Variants in COA1 observed in about 807,000 individuals in gnomAD.
COA1 encodes cytochrome c oxidase assembly factor 1 homolog.
A neutral mutation model predicts 16.0 loss-of-function variants in COA1; 13 were observed. That is an observed-to-expected ratio of 0.81 (90% confidence interval 0.53 to 1.29). COA1 has a LOEUF of 1.29. Among genes scored for constraint, COA1 ranks in the 50% most tolerant of loss-of-function variants. COA1 has a pLI of 0.00. For synonymous variants in COA1, 65 were observed against 65.7 expected, an observed-to-expected ratio of 0.99 and a Z score of 0.05; for missense variants, 179 against 177.0, an observed-to-expected ratio of 1.01 and a Z score of -0.06.
At chr7:43,713,333 G>A (rs1459733351) in intron 1 of COA1, among the ~76,000 whole-genome samples, 5 of 151,940 alleles carry the variant, frequency 3.3e-5, no homozygotes, top group African/African-American at 1.2e-4. Flanking sequence ...ACTTCCTTCT[G>A]GTAAGAACAC....
intron 1 of COA1, among the ~76,000 whole-genome samples, chr7:43,677,058 G>A (rs1482466543): frequency 1.3e-5 from 2 of 152,138 alleles, no homozygotes; most frequent in African/African-American, 4.8e-5. Context: ...ATGCCTAACA[G>A]ATCAAAATGC....
At chr7:43,656,835 G>T (rs1001883108) in intron 1 of COA1, among the ~76,000 whole-genome samples, 1 of 151,852 alleles carries the variant, frequency 6.6e-6, no homozygotes, top group Non-Finnish European at 1.5e-5. Flanking sequence ...GAAAAGAAAA[G>T]AAAAGAAAAG....
chr7:43,634,932 G>A (rs1269692629), downstream of COA1, among the ~76,000 whole-genome samples: 2 of 152,140 alleles, frequency 1.3e-5, no homozygotes, highest in African/African-American at 4.8e-5. Flanking sequence ...TATTCCTTGG[G>A]TACTGAAGTT....
intron 4 of COA1, among the ~76,000 whole-genome samples, chr7:43,644,728 A>AGATT: frequency 3.8e-5 from 1 of 26,174 alleles, no homozygotes; most frequent in African/African-American, 9.6e-5. Context: ...ATAGATAGAT[A>AGATT]GATAGATAGA....
Position 43,647,549 on chromosome 7 carries a change from T to C in COA1, c.101A>G (p.Tyr34Cys), listed in dbSNP as rs759801587. 1.1e-5 allele frequency: 18 copies of C among 1,613,570 alleles called. No individual in the cohort carries two copies. Among genetic ancestry groups the C allele is most frequent in the Non-Finnish European group, 1.5e-5 (18 of 1,179,470 alleles). The part of the protein sequence containing the change: ...VFYAGGFAIV[Y>C]YLIQKFHSRA... ...AGGATACTTACTTTGAATGAGGTAA[T>C]ACACAATGGCAAAGCCCCCGGCATA... The change falls in exon 3 of 6, where the codon TAT becomes TGT. Residue 34 changes from tyrosine (Y) to cysteine (C), a missense_variant. Transcript: ENST00000223336.
rs182632725 is a variant in COA1 at position 43,617,958 on chromosome 7, T to C, written c.*134-8463A>G. Among the ~76,000 whole-genome samples, 4 of 152,248 alleles carry C rather than the reference T, an allele frequency of 2.6e-5. No individual in the cohort carries two copies. The East Asian group carries it at 7.7e-4, about 29-fold the overall frequency. ...TAACATATAAACAAGGAAGGAGTGG[T>C]TAACTTTGTCAAACACTGCTAAGGG... On this transcript the variant is annotated intron_variant and NMD_transcript_variant, in intron 6 of 6. Coordinates refer to the COA1 transcript ENST00000415076.
chr7:43,642,025 A>C (rs999606393), intron 4 of COA1: 1 of 152,198 alleles, frequency 6.6e-6, no homozygotes, highest in Non-Finnish European at 1.5e-5. Flanking sequence ...CACCCATTCC[A>C]AGTTGCCACC....
chr7:43,689,044 G>A (rs10266210), intron 1 of COA1, among the ~76,000 whole-genome samples: 22,180 of 152,112 alleles, frequency 0.15, 2,191 homozygotes, highest in Non-Finnish European at 0.21. Flanking sequence ...CTAACCCCAC[G>A]TATTTAAATC....
At chr7:43,615,275 A>C (rs1472497271) in intron 6 of COA1, among the ~76,000 whole-genome samples, 1 of 152,172 alleles carries the variant, frequency 6.6e-6, no homozygotes, top group Non-Finnish European at 1.5e-5. Flanking sequence ...TCCCAGGCTC[A>C]AGTGATCCTC....
chr7:43,710,375 A>AATATATATATATATAT (rs1554558920), intron 1 of COA1, among the ~76,000 whole-genome samples: 26 of 36,446 alleles, frequency 7.1e-4, no homozygotes, highest in African/African-American at 1.3e-3. Context: ...AAAAAAAAAA[A>AATATATATATATATAT]ATATATATAT....
intron 4 of COA1, among the ~76,000 whole-genome samples, chr7:43,643,168 A>G (rs1249150001): frequency 6.6e-6 from 1 of 152,172 alleles, no homozygotes; most frequent in African/African-American, 2.4e-5. Flanking sequence ...CCCTCTCAGC[A>G]CCACTGGGGC....
At chr7:43,633,676 C>T (rs536876365) in intron 6 of COA1, among the ~76,000 whole-genome samples, 26 of 152,140 alleles carry the variant, frequency 1.7e-4, no homozygotes, top group South Asian at 6.2e-4. Context: ...GCTCGACAGT[C>T]GCCACAAACC....
rs570742743 is a variant in COA1, at chr7:43,684,303, G to A, written c.-38-35651C>T. On this transcript the variant is annotated intron_variant, in intron 1 of 5. Coordinates refer to ENST00000223336, the MANE Select transcript of COA1 (RefSeq NM_018224.4). ...AGCTGCTGATCTAACAGGAGGCAGA[G>A]CTCACCTCCTGCTGTGCGGCCGGGA... 4.6e-5 allele frequency among the ~76,000 whole-genome samples: 7 copies of A among 152,292 alleles called. No individual in the cohort carries two copies. The South Asian group carries it at 1.5e-3, about 32-fold the overall frequency.
At chr7:43,659,995 G>A (rs1216232956) in intron 1 of COA1, among the ~76,000 whole-genome samples, 1 of 152,078 alleles carries the variant, frequency 6.6e-6, no homozygotes, top group African/African-American at 2.4e-5. Flanking sequence ...AAAAGGAGAG[G>A]GTGGCATCTA....
intron 1 of COA1, among the ~76,000 whole-genome samples, chr7:43,682,038 A>G (rs948067263): frequency 2.6e-5 from 4 of 152,228 alleles, no homozygotes; most frequent in African/African-American, 4.8e-5. Context: ...TGGGAGAGAG[A>G]AAAATCTCTA....
At chr7:43,712,968 A>G (rs948755504) in intron 1 of COA1, among the ~76,000 whole-genome samples, 2 of 151,406 alleles carry the variant, frequency 1.3e-5, no homozygotes, top group African/African-American at 4.9e-5. Context: ...TTCTTTTGCT[A>G]TTTGAGACAG....
intron 6 of COA1, among the ~76,000 whole-genome samples, chr7:43,612,712 T>A (rs2082984690): frequency 6.6e-6 from 1 of 152,172 alleles, no homozygotes; most frequent in Non-Finnish European, 1.5e-5. Context: ...AATACACTGC[T>A]TAGCTTTGGT....
At chr7:43,691,286 AAAGAAAGAAAGAAAGAAAGAAAG>A (rs2094296452) in intron 1 of COA1, among the ~76,000 whole-genome samples, 3 of 52,452 alleles carry the variant, frequency 5.7e-5, no homozygotes, top group African/African-American at 1.2e-4. Flanking sequence ...AGAAAGAAAG[AAAGAAAGAAAGAAAGAAAGAAAG>A]AAAGAAAGAA....
At chr7:43,688,122 G>GT (rs2094123134) in intron 1 of COA1, among the ~76,000 whole-genome samples, 1 of 152,218 alleles carries the variant, frequency 6.6e-6, no homozygotes, top group Non-Finnish European at 1.5e-5. Context: ...ATGTGGAACT[G>GT]TAAGTCCAAT....
Sources: allele counts gnomAD v4.1 joint callset (sites outside exome capture counted in the v4.1 genomes callset), GRCh38; gene constraint gnomAD v4.1.1; transcripts MANE v1.5; gene names NCBI Gene and HGNC (gene_info 2026-07-23, HGNC 2026-07-21).